The following RNGTT variants were observed in gnomAD, a reference collection of about 807,000 sequenced individuals.
The protein encoded by RNGTT is RNA guanylyltransferase and 5'-phosphatase.
Under a neutral mutation model 79.3 loss-of-function variants are expected in RNGTT, and 33 were observed. The observed-to-expected ratio is 0.42, with a 90% CI of 0.32 to 0.56. The LOEUF (loss-of-function observed/expected upper bound fraction) is 0.56, where lower values mean the gene tolerates loss of function less well. Among genes scored for constraint, RNGTT ranks in the 20% least tolerant of loss-of-function variants. RNGTT has a pLI of 0.17. For missense variants in RNGTT, 497 were observed against 739.1 expected, an observed-to-expected ratio of 0.67 and a Z score of 3.80; for synonymous variants, 222 against 235.9, an observed-to-expected ratio of 0.94 and a Z score of 0.54.
chr6:88,939,808 C>T (rs1310044410), intron 2 of RNGTT, among the ~76,000 whole-genome samples: 1 of 151,374 alleles, frequency 6.6e-6, no homozygotes. Context: ...GCCCAGGCTG[C>T]AGTGGGTAAT....
chr6:88,728,693 T>C (rs530474649), intron 13 of RNGTT, among the ~76,000 whole-genome samples: 1 of 152,282 alleles, frequency 6.6e-6, no homozygotes, highest in South Asian at 2.1e-4. Flanking sequence ...ACAGACCCTA[T>C]TAGATTCTTT....
chr6:88,928,678 A>G (rs1191258545), intron 4 of RNGTT, among the ~76,000 whole-genome samples: 1 of 152,244 alleles, frequency 6.6e-6, no homozygotes, highest in Non-Finnish European at 1.5e-5. Context: ...AAGTTTCAGA[A>G]TAATATAGTA....
intron 9 of RNGTT, 143 bp from the exon 10 acceptor site, chr6:88,849,969 C>T (rs1433907713): frequency 1.2e-5 from 8 of 677,514 alleles, no homozygotes; most frequent in Non-Finnish European, 1.7e-5. Flanking sequence ...CACTTGTACC[C>T]AGATCATATC....
At chr6:88,813,933 G>A (rs1303771708) in intron 11 of RNGTT, among the ~76,000 whole-genome samples, 1 of 152,050 alleles carries the variant, frequency 6.6e-6, no homozygotes, top group East Asian at 1.9e-4. Flanking sequence ...ATAATCTGGT[G>A]CACAGTAAGC....
At chr6:88,844,333 AT>A in intron 11 of RNGTT, 23 bp downstream of exon 11, 1 of 1,599,046 alleles carries the variant, frequency 6.3e-7, no homozygotes, top group East Asian at 2.2e-5. Flanking sequence ...ATTAGCACTA[AT>A]TTAAAAAAAA....
At chr6:88,782,068 T>C (rs2127849553) in intron 12 of RNGTT, among the ~76,000 whole-genome samples, 1 of 152,136 alleles carries the variant, frequency 6.6e-6, no homozygotes, top group East Asian at 1.9e-4. Flanking sequence ...GCCTTATTCA[T>C]CCTCTCTAGT....
At chr6:88,909,325 C>T (rs1369686035) in intron 4 of RNGTT, among the ~76,000 whole-genome samples, 5 of 152,144 alleles carry the variant, frequency 3.3e-5, no homozygotes, top group African/African-American at 4.8e-5. Flanking sequence ...ACACAGCCAT[C>T]GGCTGGGCTG....
intron 11 of RNGTT, among the ~76,000 whole-genome samples, chr6:88,837,848 C>A (rs1227548345): frequency 6.6e-6 from 1 of 152,136 alleles, no homozygotes. Flanking sequence ...GTATATCATA[C>A]TCTGAAGAAA....
Position 88,696,091 on chromosome 6 carries a change from G to C in RNGTT, c.1440-17672C>G, listed in dbSNP as rs546698797. ...TTTGGGATACACTGCACAGCATAAT[G>C]ACTACAGTTAATAACAGTGTAGTCT... On this transcript the variant is annotated intron_variant, in intron 13 of 15. Transcript: ENST00000369485. 5.3e-5 allele frequency among the ~76,000 whole-genome samples: 8 copies of C among 152,264 alleles called. No individual in the cohort carries two copies. The South Asian group carries it at 1.0e-3, about 20-fold the overall frequency.
At chr6:88,844,989 C>T (rs1436441774) in intron 10 of RNGTT, among the ~76,000 whole-genome samples, 5 of 151,942 alleles carry the variant, frequency 3.3e-5, no homozygotes, top group Non-Finnish European at 5.9e-5. Context: ...AATATACTTA[C>T]TATTTATAGG....
At chr6:88,801,228 T>C (rs971869503) in intron 12 of RNGTT, among the ~76,000 whole-genome samples, 5 of 152,160 alleles carry the variant, frequency 3.3e-5, no homozygotes, top group Non-Finnish European at 5.9e-5. Flanking sequence ...CAAAAGGAAA[T>C]AAACATTTAT....
chr6:88,949,250 T>C (rs961345263), intron 1 of RNGTT, among the ~76,000 whole-genome samples: 1 of 115,184 alleles, frequency 8.7e-6, no homozygotes, highest in Non-Finnish European at 1.8e-5. Flanking sequence ...AAAAGCAAAA[T>C]AATCAGTCTT....
intron 13 of RNGTT, among the ~76,000 whole-genome samples, chr6:88,706,849 A>G (rs1776145565): frequency 6.6e-6 from 1 of 151,746 alleles, no homozygotes; most frequent in Non-Finnish European, 1.5e-5. Flanking sequence ...ACCAGCAAGA[A>G]CCTATCACAC....
intron 14 of RNGTT, among the ~76,000 whole-genome samples, chr6:88,617,867 T>TAA (rs5878078): frequency 0.026 from 3,822 of 146,074 alleles, 152 homozygotes; most frequent in African/African-American, 0.089. Flanking sequence ...ACTGCTTAAT[T>TAA]AAAAAAAAAA....
intron 11 of RNGTT, among the ~76,000 whole-genome samples, chr6:88,831,617 T>C (rs532243131): frequency 8.3e-4 from 127 of 152,204 alleles, no homozygotes; most frequent in African/African-American, 3.0e-3. Flanking sequence ...AGAAATAAAG[T>C]GTATTCAAAT....
intron 1 of RNGTT, 24 bp downstream of exon 1, chr6:88,963,322 C>G: frequency 1.2e-6 from 2 of 1,611,710 alleles, no homozygotes; most frequent in African/African-American, 2.7e-5. Flanking sequence ...TGTGGGGATT[C>G]GAACGCCCCC....
rs1359660020 is a variant in RNGTT at position 88,706,188 on chromosome 6, A to T, written c.1440-27769T>A. ...GCATCATGAGACAAGTCTTAGAATG[A>T]ATATGCATCAATGAGATAAGTATGT... is the stretch of plus-strand genomic sequence containing the variant. On this transcript the variant is annotated intron_variant, in intron 13 of 15. Coordinates refer to ENST00000369485, the MANE Select transcript of RNGTT (RefSeq NM_003800.5). Among the ~76,000 whole-genome samples, 2 of 152,118 alleles carry T rather than the reference A, an allele frequency of 1.3e-5. 1 individual carries two copies. The highest frequency in any genetic ancestry group is 4.8e-5 in the African/African-American group (2 of 41,426).
At chr6:88,698,277 T>TGAA (rs1775814950) in intron 13 of RNGTT, among the ~76,000 whole-genome samples, 1 of 124,378 alleles carries the variant, frequency 8.0e-6, no homozygotes, top group Non-Finnish European at 1.6e-5. Flanking sequence ...ATGATATATA[T>TGAA]ATTTCATATA....
At chr6:88,697,334 G>A (rs1217183535) in intron 13 of RNGTT, among the ~76,000 whole-genome samples, 2 of 151,590 alleles carry the variant, frequency 1.3e-5, no homozygotes, top group African/African-American at 4.9e-5. Flanking sequence ...GGTGGATCAC[G>A]AGGTCAGGAG....
Sources: gnomAD v4.1 joint callset for allele counts (sites outside exome capture counted in the v4.1 genomes callset) on GRCh38, gnomAD v4.1.1 for gene constraint, MANE v1.5 for transcripts, NCBI Gene and HGNC (gene_info 2026-07-23, HGNC 2026-07-21) for gene names.